TMEM132D: variants seen among roughly 807,000 people sequenced by gnomAD.
TMEM132D encodes transmembrane protein 132D, also known as mature OL transmembrane protein.
In TMEM132D, 21 loss-of-function variants were observed where a neutral mutation model predicts 62.3. That is an observed-to-expected ratio of 0.34 (90% CI 0.24 to 0.49). The LOEUF (loss-of-function observed/expected upper bound fraction) is 0.49, where lower values mean the gene tolerates loss of function less well. TMEM132D is among the 20% of genes least tolerant of loss of function. The pLI is 0.99. For missense variants in TMEM132D, 1,346 were observed against 1,402.8 expected (o/e 0.96, Z 0.65); for synonymous variants, 621 against 575.6 (o/e 1.08, Z -1.13).
chr12:129,296,570 A>T (rs1475555499), intron 4 of TMEM132D, among the ~76,000 whole-genome samples: 1 of 152,184 alleles, frequency 6.6e-6, no homozygotes, highest in Non-Finnish European at 1.5e-5. Context: ...TGACAGATAA[A>T]TCTGGATATA....
rs551943235 is a variant in TMEM132D, at chr12:129,282,679, G to A, written c.1299+54955C>T. On this transcript the variant is annotated intron_variant, in intron 4 of 8. Transcript: ENST00000422113. ...GGTAGGTGGAATGTAGGTGAAAATG[G>A]AAATTAAGTTGAAAATTAGAAAACT... is the stretch of plus-strand genomic sequence containing the variant. Among the ~76,000 whole-genome samples, 3 of 152,246 alleles carry A rather than the reference G, an allele frequency of 2.0e-5. No homozygotes were observed. The South Asian group carries it at 6.2e-4, about 32-fold the overall frequency.
chr12:129,507,506 A>G (rs893512317), intron 3 of TMEM132D, among the ~76,000 whole-genome samples: 1 of 152,168 alleles, frequency 6.6e-6, no homozygotes, highest in Non-Finnish European at 1.5e-5. Context: ...GTTGCACATA[A>G]ATATAATGAA....
intron 1 of TMEM132D, among the ~76,000 whole-genome samples, chr12:129,845,039 T>C (rs1280998052): frequency 6.6e-6 from 1 of 152,176 alleles, no homozygotes; most frequent in Non-Finnish European, 1.5e-5. Context: ...GGTAAAATAA[T>C]TAAAGTGCTA....
At chr12:129,146,228 C>G (rs1354257491) in intron 5 of TMEM132D, among the ~76,000 whole-genome samples, 1 of 152,166 alleles carries the variant, frequency 6.6e-6, no homozygotes, top group Non-Finnish European at 1.5e-5. Context: ...CCTTTCATTC[C>G]TGGTATCTCC....
intron 4 of TMEM132D, among the ~76,000 whole-genome samples, chr12:129,247,323 T>A (rs903258104): frequency 6.6e-6 from 1 of 152,164 alleles, no homozygotes; most frequent in Non-Finnish European, 1.5e-5. Flanking sequence ...AGTGTCACGA[T>A]CTGGTTCCAA....
At chr12:129,198,023 C>A (rs1476157274) in intron 5 of TMEM132D, among the ~76,000 whole-genome samples, 2 of 152,184 alleles carry the variant, frequency 1.3e-5, no homozygotes, top group African/African-American at 4.8e-5. Flanking sequence ...TCAATAGATA[C>A]ATTTTAAAAT....
At chr12:129,215,675 C>T (rs1377774165) in intron 4 of TMEM132D, among the ~76,000 whole-genome samples, 1 of 152,122 alleles carries the variant, frequency 6.6e-6, no homozygotes, top group Non-Finnish European at 1.5e-5. Flanking sequence ...TAGTTAAGTG[C>T]AGGGACTCTC....
intron 2 of TMEM132D, among the ~76,000 whole-genome samples, chr12:129,675,381 G>C (rs533914525): frequency 7.2e-5 from 11 of 151,900 alleles, no homozygotes; most frequent in Admixed American, 5.2e-4. Context: ...CGGGGGGTGG[G>C]GGGCAAGGGG....
intron 3 of TMEM132D, among the ~76,000 whole-genome samples, chr12:129,364,531 G>A (rs141708468): frequency 4.2e-4 from 64 of 152,350 alleles, no homozygotes; most frequent in African/African-American, 1.3e-3. Flanking sequence ...AGTTGCAATC[G>A]GGAATCAAGC....
intron 3 of TMEM132D, among the ~76,000 whole-genome samples, chr12:129,456,389 G>C (rs1389320205): frequency 6.6e-6 from 1 of 152,106 alleles, no homozygotes; most frequent in Non-Finnish European, 1.5e-5. Flanking sequence ...GATGGAAGTT[G>C]AGTCTCTAGT....
At chr12:129,167,372 A>G (rs2135544721) in intron 5 of TMEM132D, among the ~76,000 whole-genome samples, 1 of 152,278 alleles carries the variant, frequency 6.6e-6, no homozygotes, top group East Asian at 1.9e-4. Flanking sequence ...GTCTCCAGCT[A>G]TGTGGCTGTT....
Position 129,086,657 on chromosome 12 carries a change from TA to T in TMEM132D, c.1444-1956del, listed in dbSNP as rs530017646. The stretch of plus-strand genomic sequence containing the variant: ...TTTATTGTATTATATATACATACTA[TA>T]TACAACATATAATATATAATACAAA... On this transcript the variant is annotated intron_variant, in intron 5 of 8. Coordinates refer to ENST00000422113, the MANE Select transcript of TMEM132D (RefSeq NM_133448.3). 1.1e-4 allele frequency among the ~76,000 whole-genome samples: 16 copies of T among 147,732 alleles called. 1 individual carries two copies. The South Asian group carries it at 3.4e-3, about 31-fold the overall frequency.
chr12:129,100,866 G>C (rs1486638), intron 5 of TMEM132D, among the ~76,000 whole-genome samples: 25,856 of 152,092 alleles, frequency 0.17, 5,506 homozygotes, highest in African/African-American at 0.49. Flanking sequence ...AATTCAAATG[G>C]TCAGGGTCAA....
intron 1 of TMEM132D, among the ~76,000 whole-genome samples, chr12:129,725,506 C>G (rs1302272326): frequency 6.6e-6 from 1 of 152,218 alleles, no homozygotes; most frequent in East Asian, 1.9e-4. Flanking sequence ...TAAGCTCTCC[C>G]CAGCCTATCT....
chr12:129,295,491 C>T (rs1432174465), intron 4 of TMEM132D, among the ~76,000 whole-genome samples: 15 of 140,044 alleles, frequency 1.1e-4, no homozygotes, highest in Admixed American at 2.4e-4. Flanking sequence ...AGTGCAGTGG[C>T]GTGATCTCGG....
intron 3 of TMEM132D, among the ~76,000 whole-genome samples, chr12:129,356,663 A>AC (rs1870062265): frequency 6.9e-6 from 1 of 144,548 alleles, no homozygotes; most frequent in Non-Finnish European, 1.5e-5. Context: ...ACAATAAATA[A>AC]ATAAATAAAT....
chr12:129,457,455 G>T (rs1437697179), intron 3 of TMEM132D, among the ~76,000 whole-genome samples: 7 of 142,220 alleles, frequency 4.9e-5, no homozygotes, highest in South Asian at 2.7e-4. Context: ...TAGGGGGGAG[G>T]GGAGAGGGAT....
At chr12:129,659,594 G>A (rs1471476578) in intron 2 of TMEM132D, among the ~76,000 whole-genome samples, 3 of 124,250 alleles carry the variant, frequency 2.4e-5, no homozygotes, top group African/African-American at 8.7e-5. Flanking sequence ...ATGAATAAAC[G>A]ATAAATGGGT....
chr12:129,751,410 C>T (rs1415749671), intron 1 of TMEM132D, among the ~76,000 whole-genome samples: 1 of 152,148 alleles, frequency 6.6e-6, no homozygotes, highest in East Asian at 1.9e-4. Context: ...TCACCTCCCA[C>T]CATGTCCCTC....
Sources: gnomAD v4.1 joint callset for allele counts (sites outside exome capture counted in the v4.1 genomes callset) on GRCh38, gnomAD v4.1.1 for gene constraint, MANE v1.5 for transcripts, NCBI Gene and HGNC (gene_info 2026-07-23, HGNC 2026-07-21) for gene names.